The following EZR variants were observed in gnomAD, a reference collection of about 807,000 sequenced individuals.
The protein encoded by EZR is ezrin.
A neutral mutation model predicts 74.8 loss-of-function variants in EZR; 40 were observed. The observed-to-expected ratio is 0.53, with a 90% confidence interval of 0.42 to 0.70. EZR has a LOEUF of 0.70. EZR is among the 30% of genes least tolerant of loss of function. EZR has a pLI of 0.00. For missense variants in EZR, 678 were observed against 755.8 expected, an observed-to-expected ratio of 0.90 and a Z score of 1.21; for synonymous variants, 341 against 283.3, an observed-to-expected ratio of 1.20 and a Z score of -2.05.
rs964800606 is a variant in EZR, at chr6:158,766,643, G to A, written c.*271C>T. The A allele has an allele frequency of 4.2e-5, 17 of 403,352 alleles. No homozygotes were observed. Among genetic ancestry groups the A allele is most frequent in the South Asian group, 2.8e-4 (5 of 18,068 alleles). The allele number at this position is 403,352 out of a possible 1,614,324, so 25.0% of individuals were successfully genotyped here. On this transcript the variant is annotated 3_prime_UTR_variant, in exon 14 of 14. Coordinates refer to ENST00000367075, the MANE Select transcript of EZR (RefSeq NM_001111077.2). ...TACTCAGACTTTACAGGCATTTTCC[G>A]TAATTCAATCAGTCCTGCTCCCAGC...
chr6:158,773,682 G>T (rs1282698182), intron 8 of EZR, among the ~76,000 whole-genome samples: 7 of 152,226 alleles, frequency 4.6e-5, no homozygotes, highest in Non-Finnish European at 8.8e-5. Context: ...TCATCTGGCC[G>T]CAGAGATGGC....
At position 158,785,426 on chromosome 6, in the gene EZR, C is replaced by G; in HGVS notation, c.350G>C (p.Cys117Ser). Residue 117 changes from cysteine to serine, a missense_variant, in exon 5 of 14, where the codon TGC becomes TCC. Transcript: ENST00000367075. ...CAAGAGCACGGCAGTCTCAGGGGGGCAGTAGATCTCATCGCTAAGGATTCC... is the reference window on the plus strand; with the variant it reads ...CAAGAGCACGGCAGTCTCAGGGGGGGAGTAGATCTCATCGCTAAGGATTCC... ...KEGILSDEIYCPPETAVLLGS... is the reference protein window; with the variant it reads ...KEGILSDEIYSPPETAVLLGS... 6.2e-7 allele frequency: 1 copy of G among 1,614,192 alleles called. No individual in the cohort carries two copies.
intron 2 of EZR, among the ~76,000 whole-genome samples, chr6:158,810,660 T>C (rs1777434645): frequency 6.6e-6 from 1 of 152,206 alleles, no homozygotes; most frequent in African/African-American, 2.4e-5. Flanking sequence ...TTTACTAAGA[T>C]AACCCAAACT....
rs1267338309 is a variant in EZR, at chr6:158,819,328, A to C, written c.-85T>G. The C allele has an allele frequency of 6.6e-6, 1 of 152,496 alleles. No individual in the cohort carries two copies. Among genetic ancestry groups the C allele is most frequent in the Non-Finnish European group, 1.5e-5 (1 of 68,098 alleles). 9.4% of individuals were successfully genotyped at this position (152,496 alleles called of 1,614,324 possible). A position where few individuals can be genotyped will look rare whatever the true frequency, so the allele number is the denominator to read the frequency against. On this transcript the variant is annotated 5_prime_UTR_variant, in exon 1 of 14. Coordinates refer to ENST00000367075, the MANE Select transcript of EZR (RefSeq NM_001111077.2). ...GCCGCACGCCTCACCCGGCGCCTGC[A>C]GTGCTCCGTGTGCTCCCCGCCGCCC... is the stretch of plus-strand genomic sequence containing the variant.
In EZR at chr6:158,801,148, C is replaced by T. The variant is rs984416005; in HGVS notation, c.13-11777G>A. On this transcript the variant is annotated intron_variant, in intron 2 of 13. Transcript: ENST00000367075. Reference sequence around the variant, plus strand: ...TTTAATTTTTTTTGAGACAGGGTCTCGCTCTGTCAAGGCTGGAGTGCAGTG... The same window carrying T: ...TTTAATTTTTTTTGAGACAGGGTCTTGCTCTGTCAAGGCTGGAGTGCAGTG... Among the ~76,000 whole-genome samples the T allele has an allele frequency of 2.2e-4, 33 of 152,134 alleles. 2 individuals are homozygous for T. Among genetic ancestry groups the T allele is most frequent in the Admixed American group, 2.1e-3 (32 of 15,268 alleles).
At chr6:158,790,395 G>A (rs926922207) in intron 2 of EZR, among the ~76,000 whole-genome samples, 4 of 152,172 alleles carry the variant, frequency 2.6e-5, no homozygotes, top group Admixed American at 1.3e-4. Context: ...AAACACTGTC[G>A]GGCGCATTGG....
chr6:158,805,366 C>T (rs914988524), intron 2 of EZR, among the ~76,000 whole-genome samples: 32 of 143,274 alleles, frequency 2.2e-4, no homozygotes, highest in African/African-American at 7.8e-4. Context: ...AAAAAAAGGT[C>T]GAAAAATTTC....
intron 2 of EZR, among the ~76,000 whole-genome samples, chr6:158,799,041 C>G (rs1777136443): frequency 6.6e-6 from 1 of 152,180 alleles, no homozygotes; most frequent in Non-Finnish European, 1.5e-5. Context: ...TCTCTCTCCC[C>G]CAGCCCTATT....
intron 2 of EZR, among the ~76,000 whole-genome samples, chr6:158,808,607 G>A (rs1462429277): frequency 2.0e-5 from 3 of 152,202 alleles, no homozygotes; most frequent in African/African-American, 7.2e-5. Context: ...CCAGGGCCAG[G>A]CATAAGGCCA....
intron 2 of EZR, among the ~76,000 whole-genome samples, chr6:158,817,471 C>T (rs1207622983): frequency 6.6e-6 from 1 of 152,250 alleles, no homozygotes; most frequent in East Asian, 1.9e-4. Context: ...ACTCCACCGG[C>T]TGCCTGCATC....
At position 158,802,197 on chromosome 6, in the gene EZR, A is replaced by G. The variant is rs75725517; in HGVS notation, c.13-12826T>C. Among the ~76,000 whole-genome samples the G allele has an allele frequency of 3.3e-5, 5 of 152,370 alleles. No individual in the cohort carries two copies. The East Asian group carries it at 7.7e-4, about 23-fold the overall frequency. On this transcript the variant is annotated intron_variant, in intron 2 of 13. Transcript: ENST00000367075. The stretch of plus-strand genomic sequence containing the variant: ...GCTAATTACTAATGAAAGCAAGGTC[A>G]TAACTACAGACTTCAGCATCTAAGG...
At chr6:158,788,895 T>TAA (rs1404095756) in intron 3 of EZR, among the ~76,000 whole-genome samples, 1 of 152,204 alleles carries the variant, frequency 6.6e-6, no homozygotes, top group Non-Finnish European at 1.5e-5. Context: ...TGAGAGGGGT[T>TAA]CTACTCTGGA....
At position 158,785,454 on chromosome 6, in the gene EZR, C is replaced by G; in HGVS notation, c.322G>C (p.Glu108Gln). The G allele has an allele frequency of 6.2e-7, 1 of 1,614,216 alleles. No homozygotes were observed. Among genetic ancestry groups the G allele is most frequent in the Non-Finnish European group, 8.5e-7 (1 of 1,180,038 alleles). Residue 108 changes from glutamate to glutamine, a missense_variant, in exon 5 of 14, where the codon GAA (glutamate) becomes CAA (glutamine). By Grantham distance (29) the Glu-to-Gln change is conservative. Transcript: ENST00000367075. ...TAGATCTCATCGCTAAGGATTCCTT[C>G]CTTCACTTGGAGGAAGAAAAGTTTC... ...TQKLFFLQVK[E>Q]GILSDEIYCP...
intron 8 of EZR, among the ~76,000 whole-genome samples, chr6:158,771,986 GGAGCTCCAGGAT>G (rs1180140754): frequency 6.6e-6 from 1 of 152,192 alleles, no homozygotes; most frequent in African/African-American, 2.4e-5. Flanking sequence ...TGCCAGCCTG[GGAGCTCCAGGAT>G]GAGCTCCAGG....
At chr6:158,798,986 A>G (rs928865373) in intron 2 of EZR, among the ~76,000 whole-genome samples, 2 of 152,202 alleles carry the variant, frequency 1.3e-5, no homozygotes, top group Non-Finnish European at 2.9e-5. Flanking sequence ...TTGTTTTGTT[A>G]TAACTGAACA....
chr6:158,797,143 C>T (rs1207745818), intron 2 of EZR, among the ~76,000 whole-genome samples: 1 of 152,184 alleles, frequency 6.6e-6, no homozygotes, highest in East Asian at 1.9e-4. Context: ...TACAATCACA[C>T]TTTTTACAGC....
At chr6:158,793,964 C>A (rs1008052404) in intron 2 of EZR, among the ~76,000 whole-genome samples, 10 of 152,238 alleles carry the variant, frequency 6.6e-5, no homozygotes, top group African/African-American at 2.4e-4. Context: ...TCTACTTATC[C>A]AAGGGCTTGG....
intron 2 of EZR, among the ~76,000 whole-genome samples, chr6:158,797,515 C>T (rs533069230): frequency 6.6e-6 from 1 of 152,314 alleles, no homozygotes; most frequent in East Asian, 1.9e-4. Flanking sequence ...GCTTGACCTT[C>T]CATATCATTT....
chr6:158,773,288 CG>C (rs1791176530), intron 8 of EZR, among the ~76,000 whole-genome samples: 1 of 152,164 alleles, frequency 6.6e-6, no homozygotes, highest in African/African-American at 2.4e-5. Flanking sequence ...CTGCCAGCAA[CG>C]GGAACCAGAA....
Sources: gnomAD v4.1 joint callset for allele counts (sites outside exome capture counted in the v4.1 genomes callset) on GRCh38, gnomAD v4.1.1 for gene constraint, MANE v1.5 for transcripts, NCBI Gene and HGNC (gene_info 2026-07-23, HGNC 2026-07-21) for gene names.